The following CHL1 variants were observed in gnomAD, a reference collection of about 807,000 sequenced individuals.
CHL1 encodes cell adhesion molecule L1 like.
Under a neutral mutation model 141.9 loss-of-function variants are expected in CHL1, and 96 were observed. The observed-to-expected ratio is 0.68, with a 90% CI of 0.57 to 0.80. The LOEUF is 0.80. Among genes scored for constraint, CHL1 ranks in the 30% least tolerant of loss-of-function variants. The pLI is 0.00. For synonymous variants in CHL1, 613 were observed against 502.2 expected, an observed-to-expected ratio of 1.22 and a Z score of -2.95; for missense variants, 1,820 against 1,457.2, an observed-to-expected ratio of 1.25 and a Z score of -4.05.
At chr3:300,178 A>G (rs1698598274) in intron 2 of CHL1, among the ~76,000 whole-genome samples, 2 of 152,194 alleles carry the variant, frequency 1.3e-5, no homozygotes, top group South Asian at 4.1e-4. Flanking sequence ...AACTAATAAG[A>G]CTTGCTGTGA....
In CHL1 at chr3:405,972, C is replaced by G; in HGVS notation, c.*261C>G. The stretch of plus-strand genomic sequence containing the variant: ...AAAACAAATCCTGCATTTAGATACA[C>G]CTCAACTAAATCCAAAGTCCCCATT... On this transcript the variant is annotated 3_prime_UTR_variant, in exon 28 of 28. Transcript: ENST00000256509. 1 of 379,432 alleles carries G rather than the reference C, an allele frequency of 2.6e-6. No homozygotes were observed. 23.5% of individuals were successfully genotyped at this position (379,432 alleles called of 1,614,324 possible). A position where few individuals can be genotyped will look rare whatever the true frequency, so the allele number is the denominator to read the frequency against.
intron 6 of CHL1, 75 bp from the exon 7 acceptor site, chr3:341,837 A>T: frequency 8.2e-7 from 1 of 1,216,434 alleles, no homozygotes; most frequent in Non-Finnish European, 1.1e-6. Context: ...TAATAATGTA[A>T]AAGAAAATGA....
chr3:241,726 C>T (rs1692585032), intron 1 of CHL1, among the ~76,000 whole-genome samples: 1 of 151,936 alleles, frequency 6.6e-6, no homozygotes, highest in Admixed American at 6.6e-5. Context: ...GTTGTTTCGC[C>T]TTAAATTACT....
At chr3:403,335 C>G (rs1448480073) in intron 27 of CHL1, among the ~76,000 whole-genome samples, 1 of 152,084 alleles carries the variant, frequency 6.6e-6, no homozygotes, top group African/African-American at 2.4e-5. Context: ...TTGTTGTATT[C>G]TATAGGAACA....
At chr3:311,113 C>T (rs796100941) in intron 2 of CHL1, among the ~76,000 whole-genome samples, 32 of 152,198 alleles carry the variant, frequency 2.1e-4, no homozygotes, top group Admixed American at 1.8e-3. Flanking sequence ...GTTTATTTAT[C>T]CATTTACCTA....
At chr3:260,538 G>C (rs1694623579) in intron 2 of CHL1, among the ~76,000 whole-genome samples, 1 of 152,084 alleles carries the variant, frequency 6.6e-6, no homozygotes, top group Non-Finnish European at 1.5e-5. Context: ...TCACTCCCAG[G>C]TCCTAAATAA....
At chr3:281,735 T>G (rs1696675830) in intron 2 of CHL1, among the ~76,000 whole-genome samples, 1 of 152,056 alleles carries the variant, frequency 6.6e-6, no homozygotes, top group South Asian at 2.1e-4. Context: ...AATTTTTGTA[T>G]TTTTAGTAGA....
intron 1 of CHL1, chr3:197,763 C>G (rs1698488197): frequency 6.6e-6 from 3 of 455,622 alleles, no homozygotes; most frequent in Non-Finnish European, 1.3e-5. Context: ...GGCGAGAGGG[C>G]GCGCCGGGGG....
chr3:270,907 C>T (rs1374982029), intron 2 of CHL1, among the ~76,000 whole-genome samples: 2 of 152,206 alleles, frequency 1.3e-5, no homozygotes, highest in Non-Finnish European at 2.9e-5. Flanking sequence ...GGTAGTTGAA[C>T]TTCAGGCATG....
chr3:230,254 G>T (rs192080144), intron 1 of CHL1, among the ~76,000 whole-genome samples: 1 of 152,272 alleles, frequency 6.6e-6, no homozygotes, highest in Admixed American at 6.5e-5. Context: ...ATTATGTGAA[G>T]AGATGAAGGA....
chr3:297,217 C>A (rs1361015848), intron 2 of CHL1, among the ~76,000 whole-genome samples: 1 of 151,770 alleles, frequency 6.6e-6, no homozygotes, highest in Non-Finnish European at 1.5e-5. Context: ...CAAAGTGAGA[C>A]CTCGTCTTAA....
At chr3:249,049 C>T (rs545725026) in intron 2 of CHL1, among the ~76,000 whole-genome samples, 11 of 152,280 alleles carry the variant, frequency 7.2e-5, no homozygotes, top group Non-Finnish European at 1.3e-4. Flanking sequence ...AGAAAAATAC[C>T]ATGTAAAACA....
chr3:273,312 T>C (rs1015009573), intron 2 of CHL1, among the ~76,000 whole-genome samples: 3 of 152,184 alleles, frequency 2.0e-5, no homozygotes, highest in Non-Finnish European at 4.4e-5. Context: ...CCTTGGGAAG[T>C]GGTTAGTTTG....
chr3:228,622 T>C (rs1701587922), intron 1 of CHL1, among the ~76,000 whole-genome samples: 1 of 152,186 alleles, frequency 6.6e-6, no homozygotes, highest in South Asian at 2.1e-4. Flanking sequence ...AGACCACACA[T>C]CTTCACATGG....
chr3:295,085 C>A (rs1698069780), intron 2 of CHL1, among the ~76,000 whole-genome samples: 2 of 152,100 alleles, frequency 1.3e-5, no homozygotes, highest in Admixed American at 6.6e-5. Flanking sequence ...TTCTTTGCCT[C>A]CTTCTTTTGT....
chr3:264,009 C>G (rs189609940), intron 2 of CHL1, among the ~76,000 whole-genome samples: 1 of 152,342 alleles, frequency 6.6e-6, no homozygotes, highest in East Asian at 1.9e-4. Flanking sequence ...ACTGCACTAT[C>G]ACAGTCTTAG....
intron 1 of CHL1, among the ~76,000 whole-genome samples, chr3:236,353 T>C (rs1432080581): frequency 1.3e-5 from 2 of 152,138 alleles, no homozygotes; most frequent in Admixed American, 6.6e-5. Flanking sequence ...CCCCAAAGTG[T>C]CTGAGTGTTA....
chr3:249,270 C>G (rs1693461171), intron 2 of CHL1, among the ~76,000 whole-genome samples: 1 of 152,144 alleles, frequency 6.6e-6, no homozygotes, highest in Non-Finnish European at 1.5e-5. Context: ...ATCAAAGCCT[C>G]TGATCAAAGG....
rs376653196 is a variant in CHL1, at chr3:218,872, C to G, written c.-175+21809C>G. Among the ~76,000 whole-genome samples the G allele has an allele frequency of 7.9e-4, 121 of 152,256 alleles. 1 individual carries two copies. The highest frequency in any genetic ancestry group is 2.7e-3 in the African/African-American group (114 of 41,540). ...TTGAAAAGTCAAAAAGTAGGCCGGG[C>G]GCACTGGCTCACACCTGTAATCCCA... On this transcript the variant is annotated intron_variant, in intron 1 of 27. Transcript: ENST00000256509.
Sources: allele counts gnomAD v4.1 joint callset (sites outside exome capture counted in the v4.1 genomes callset), GRCh38; gene constraint gnomAD v4.1.1; transcripts MANE v1.5; gene names NCBI Gene and HGNC (gene_info 2026-07-23, HGNC 2026-07-21).